TASP1: variants seen among roughly 807,000 people sequenced by gnomAD.
TASP1 encodes the protein threonine aspartase 1.
A neutral mutation model predicts 56.6 loss-of-function variants in TASP1; 16 were observed. The observed-to-expected ratio is 0.28, with a 90% CI of 0.19 to 0.43. The LOEUF is 0.43. TASP1 is among the 20% of genes least tolerant of loss of function. TASP1 has a pLI of 1.00. For missense variants in TASP1, 393 were observed against 511.6 expected (o/e 0.77, Z 2.24); for synonymous variants, 179 against 184.2 (o/e 0.97, Z 0.23).
At chr20:13,417,388 G>C (rs374061745) in intron 13 of TASP1, 60 bp downstream of exon 13, 467 of 1,584,906 alleles carry the variant, frequency 2.9e-4, no homozygotes, top group Admixed American at 6.7e-4. Flanking sequence ...AACTTAGCTG[G>C]TTAGAGGTTT....
intron 8 of TASP1, among the ~76,000 whole-genome samples, chr20:13,545,118 A>G (rs933851861): frequency 1.3e-5 from 2 of 152,238 alleles, no homozygotes; most frequent in Admixed American, 1.3e-4. Flanking sequence ...ACTGTTATTC[A>G]AAATCATAAA....
downstream of TASP1, among the ~76,000 whole-genome samples, chr20:13,386,861 T>C (rs141586871): frequency 4.6e-5 from 7 of 152,286 alleles, no homozygotes; most frequent in East Asian, 1.3e-3. Flanking sequence ...TCACATTAAT[T>C]TTCTGTCTTT....
the TASP1 span, among the ~76,000 whole-genome samples, chr20:13,222,103 G>T: frequency 6.6e-6 from 1 of 152,202 alleles, no homozygotes; most frequent in Non-Finnish European, 1.5e-5. Flanking sequence ...GTGCCTGGAG[G>T]CTGCACCCGG....
chr20:13,511,295 A>G (rs1691031995), intron 10 of TASP1, among the ~76,000 whole-genome samples: 1 of 152,138 alleles, frequency 6.6e-6, no homozygotes, highest in East Asian at 1.9e-4. Context: ...GAAGCCAACA[A>G]TGAAGCAACG....
chr20:13,470,068 A>G (rs755866547), intron 11 of TASP1, among the ~76,000 whole-genome samples: 33 of 151,692 alleles, frequency 2.2e-4, no homozygotes, highest in Non-Finnish European at 4.1e-4. Flanking sequence ...TTTGGTTTCT[A>G]AATGTGATTT....
At chr20:13,466,573 C>T (rs2044268228) in intron 11 of TASP1, among the ~76,000 whole-genome samples, 1 of 152,098 alleles carries the variant, frequency 6.6e-6, no homozygotes, top group East Asian at 1.9e-4. Flanking sequence ...AGTGAAACCC[C>T]GTCACCACTA....
intron 11 of TASP1, among the ~76,000 whole-genome samples, chr20:13,469,180 A>C (rs147284230): frequency 1.3e-5 from 2 of 152,304 alleles, no homozygotes; most frequent in Non-Finnish European, 2.9e-5. Context: ...CCAACCAAAA[A>C]ATATTACCAA....
In TASP1 at chr20:13,623,357, A is replaced by G. The variant is rs139984424; in HGVS notation, c.282+89T>C. 2.9e-4 allele frequency: 311 copies of G among 1,078,362 alleles called. 1 individual carries two copies. The African/African-American group carries it at 4.0e-3, about 14-fold the overall frequency. 66.8% of individuals were successfully genotyped at this position (1,078,362 alleles called of 1,614,324 possible). Reference sequence around the variant, plus strand: ...GTGGGAAACACTGCTCATATAATTTATGGTTGACTAACTCAACAATTTCAT... The same window carrying G: ...GTGGGAAACACTGCTCATATAATTTGTGGTTGACTAACTCAACAATTTCAT... On this transcript the variant is annotated intron_variant, in intron 4 of 13. Coordinates refer to ENST00000337743, the MANE Select transcript of TASP1 (RefSeq NM_017714.3).
chr20:13,270,460 T>C, the TASP1 span: 49 of 1,566,710 alleles, frequency 3.1e-5, 2 homozygotes, highest in South Asian at 5.7e-4. Context: ...CATTTTTTAA[T>C]CATGTGTCTC....
chr20:13,632,364 C>CAAAAAAAA (rs565886595), intron 1 of TASP1, among the ~76,000 whole-genome samples: 3 of 47,950 alleles, frequency 6.3e-5, no homozygotes, highest in Non-Finnish European at 8.7e-5. Context: ...GACTCCATCT[C>CAAAAAAAA]AAAAAAAAAA....
At chr20:13,462,544 C>T (rs1197668336) in intron 11 of TASP1, among the ~76,000 whole-genome samples, 1 of 152,102 alleles carries the variant, frequency 6.6e-6, no homozygotes, top group Admixed American at 6.6e-5. Context: ...AGTTCTTGCC[C>T]CACACCCAGC....
At chr20:13,359,541 A>G in the TASP1 span, among the ~76,000 whole-genome samples, 1 of 151,286 alleles carries the variant, frequency 6.6e-6, no homozygotes, top group South Asian at 2.1e-4. Flanking sequence ...ATCAATACGG[A>G]GGCTACACAC....
the TASP1 span, among the ~76,000 whole-genome samples, chr20:13,236,218 C>T: frequency 1.1e-4 from 17 of 152,170 alleles, no homozygotes; most frequent in Non-Finnish European, 1.8e-4. Flanking sequence ...CCAATGTGCC[C>T]GTCTCGGCCA....
chr20:13,442,514 G>A (rs80142216), intron 11 of TASP1, among the ~76,000 whole-genome samples: 2,324 of 152,078 alleles, frequency 0.015, 65 homozygotes, highest in African/African-American at 0.05. Context: ...ATGGTGGTGG[G>A]TGGCTGTAAT....
chr20:13,187,049 A>T, the TASP1 span, among the ~76,000 whole-genome samples: 1 of 152,226 alleles, frequency 6.6e-6, no homozygotes, highest in African/African-American at 2.4e-5. Flanking sequence ...AATCAAGTGG[A>T]AACTTTAGAA....
chr20:13,381,919 T>C, the TASP1 span, among the ~76,000 whole-genome samples: 1 of 152,224 alleles, frequency 6.6e-6, no homozygotes, highest in Non-Finnish European at 1.5e-5. Context: ...TTCCTGGGGT[T>C]GAGTCTCTGT....
intron 11 of TASP1, among the ~76,000 whole-genome samples, chr20:13,436,710 C>T (rs6131473): frequency 2.6e-5 from 4 of 152,222 alleles, no homozygotes; most frequent in South Asian, 2.1e-4. Context: ...AGAAATCAAG[C>T]TGATATCCTC....
the TASP1 span, among the ~76,000 whole-genome samples, chr20:13,378,826 A>G: frequency 6.6e-6 from 1 of 152,174 alleles, no homozygotes; most frequent in Non-Finnish European, 1.5e-5. Context: ...ACCATTATGT[A>G]ATGCCTTTCT....
At chr20:13,221,467 T>TCCGCCG in the TASP1 span, among the ~76,000 whole-genome samples, 10 of 142,120 alleles carry the variant, frequency 7.0e-5, no homozygotes, top group East Asian at 6.6e-4. Flanking sequence ...AGTCTCCGTC[T>TCCGCCG]CCGCCGCCGC....
Sources: gnomAD v4.1 joint callset for allele counts (sites outside exome capture counted in the v4.1 genomes callset) on GRCh38, gnomAD v4.1.1 for gene constraint, MANE v1.5 for transcripts, NCBI Gene and HGNC (gene_info 2026-07-23, HGNC 2026-07-21) for gene names.